The following DMRT1 variants were observed in gnomAD, a reference collection of about 807,000 sequenced individuals.
DMRT1 encodes the protein doublesex and mab-3 related transcription factor 1, also known as doublesex- and mab-3-related transcription factor 1.
Under a neutral mutation model 32.3 loss-of-function variants are expected in DMRT1, and 7 were observed. The observed-to-expected ratio is 0.22, with a 90% CI of 0.12 to 0.41. The LOEUF (loss-of-function observed/expected upper bound fraction) is 0.41. Ranked by LOEUF, DMRT1 falls within the 10% of genes least tolerant of loss-of-function variation. DMRT1 has a pLI of 1.00. For missense variants in DMRT1, 625 were observed against 500.5 expected (o/e 1.25, Z -2.37); for synonymous variants, 278 against 206.1 (o/e 1.35, Z -2.99).
intron 4 of DMRT1, among the ~76,000 whole-genome samples, chr9:932,395 A>G (rs1818754493): frequency 6.6e-6 from 1 of 152,230 alleles, no homozygotes; most frequent in Non-Finnish European, 1.5e-5. Flanking sequence ...TAATGAGCCA[A>G]TGCAATGGTA....
intron 4 of DMRT1, among the ~76,000 whole-genome samples, chr9:949,519 C>T (rs1819362071): frequency 6.6e-6 from 1 of 152,170 alleles, no homozygotes; most frequent in Non-Finnish European, 1.5e-5. Flanking sequence ...CACAAACCTA[C>T]CCATCACCTG....
chr9:953,997 G>C (rs1819514662), intron 4 of DMRT1, among the ~76,000 whole-genome samples: 1 of 152,166 alleles, frequency 6.6e-6, no homozygotes, highest in African/African-American at 2.4e-5. Context: ...CATTAGAGAA[G>C]GGGGATTAGA....
chr9:937,388 T>A (rs1198599120), intron 4 of DMRT1, among the ~76,000 whole-genome samples: 1 of 152,254 alleles, frequency 6.6e-6, no homozygotes, highest in Non-Finnish European at 1.5e-5. Context: ...CGTTAAATGG[T>A]AATTTTATGG....
At chr9:961,356 G>T (rs747281593) in intron 4 of DMRT1, among the ~76,000 whole-genome samples, 3 of 152,184 alleles carry the variant, frequency 2.0e-5, no homozygotes, top group Non-Finnish European at 2.9e-5. Flanking sequence ...CTTATTTGGA[G>T]ACATTGACAC....
chr9:899,562 A>C (rs1023173024), intron 3 of DMRT1, among the ~76,000 whole-genome samples: 2 of 152,218 alleles, frequency 1.3e-5, no homozygotes, highest in African/African-American at 4.8e-5. Context: ...GCCCAATCAT[A>C]GATTCCTGTC....
chr9:917,268 T>C (rs1818214191), intron 4 of DMRT1, among the ~76,000 whole-genome samples: 1 of 152,184 alleles, frequency 6.6e-6, no homozygotes, highest in African/African-American at 2.4e-5. Flanking sequence ...CATTGAAAAC[T>C]CCTTTCCCAA....
intron 4 of DMRT1, among the ~76,000 whole-genome samples, chr9:922,243 C>T (rs974994856): frequency 7.9e-5 from 12 of 151,890 alleles, no homozygotes; most frequent in African/African-American, 1.2e-4. Flanking sequence ...TACCAGACCA[C>T]GGTGGGTTGG....
chr9:884,425 G>A (rs1379480186), intron 2 of DMRT1, among the ~76,000 whole-genome samples: 1 of 151,766 alleles, frequency 6.6e-6, no homozygotes, highest in Non-Finnish European at 1.5e-5. Context: ...AACTGAATGT[G>A]CAGAAAGTAA....
chr9:911,825 C>G (rs913525233), intron 3 of DMRT1, among the ~76,000 whole-genome samples: 4 of 152,116 alleles, frequency 2.6e-5, no homozygotes, highest in African/African-American at 9.7e-5. Context: ...GTTTATATTG[C>G]TACACATGCA....
chr9:952,636 C>T (rs1819465275), intron 4 of DMRT1, among the ~76,000 whole-genome samples: 1 of 152,184 alleles, frequency 6.6e-6, no homozygotes, highest in South Asian at 2.1e-4. Context: ...TCTGACTGCT[C>T]TTTGCCCTGA....
intron 2 of DMRT1, among the ~76,000 whole-genome samples, chr9:892,069 C>T (rs1253884611): frequency 1.3e-5 from 2 of 152,170 alleles, no homozygotes; most frequent in East Asian, 3.9e-4. Context: ...GCTCCTTGCT[C>T]TCTTGCAGGC....
chr9:945,837 T>C (rs1819225255), intron 4 of DMRT1, among the ~76,000 whole-genome samples: 1 of 151,990 alleles, frequency 6.6e-6, no homozygotes, highest in African/African-American at 2.4e-5. Flanking sequence ...CCTCAAGAGC[T>C]AAACTCTTGA....
chr9:877,648 G>T (rs978982737), intron 2 of DMRT1, among the ~76,000 whole-genome samples: 1 of 152,120 alleles, frequency 6.6e-6, no homozygotes. Context: ...TGTATATATT[G>T]AATTTAAGAT....
chr9:901,071 G>A (rs1283000472), intron 3 of DMRT1, among the ~76,000 whole-genome samples: 1 of 151,878 alleles, frequency 6.6e-6, no homozygotes, highest in African/African-American at 2.4e-5. Context: ...CCAGAGTGCA[G>A]CAGCATGATC....
intron 2 of DMRT1, among the ~76,000 whole-genome samples, chr9:860,380 G>A (rs920606181): frequency 1.4e-5 from 2 of 146,054 alleles, no homozygotes; most frequent in Admixed American, 1.4e-4. Context: ...TTATCAAATG[G>A]CAATAAATGT....
At chr9:926,103 C>T (rs1234379759) in intron 4 of DMRT1, among the ~76,000 whole-genome samples, 1 of 152,224 alleles carries the variant, frequency 6.6e-6, no homozygotes, top group African/African-American at 2.4e-5. Flanking sequence ...GGTTGTGGTT[C>T]TGTAGCACAT....
chr9:899,576 T>A (rs928222981), intron 3 of DMRT1, among the ~76,000 whole-genome samples: 4 of 152,214 alleles, frequency 2.6e-5, no homozygotes, highest in African/African-American at 9.6e-5. Flanking sequence ...TCCTGTCCTG[T>A]TGTGAAACAG....
At chr9:914,905 C>T (rs189310579) in intron 3 of DMRT1, among the ~76,000 whole-genome samples, 2 of 152,196 alleles carry the variant, frequency 1.3e-5, no homozygotes, top group Non-Finnish European at 2.9e-5. Context: ...CCAAAGTACA[C>T]TTAAGCCAGT....
In DMRT1 at chr9:914,931, G is replaced by T. The variant is rs117484798; in HGVS notation, c.823-1832G>T. On this transcript the variant is annotated intron_variant, in intron 3 of 4. Transcript: ENST00000382276. ...TTAAGCCAGTGTTAGTTGGTGAATT[G>T]TCCAGAATGTAGATGTTCATAGAAA... Among the ~76,000 whole-genome samples the T allele has an allele frequency of 4.4e-3, 673 of 152,308 alleles. 4 individuals are homozygous for T. The highest frequency in any genetic ancestry group is 5.4e-3 in the Non-Finnish European group (365 of 68,022).
Sources: gnomAD v4.1 joint callset for allele counts (sites outside exome capture counted in the v4.1 genomes callset) on GRCh38, gnomAD v4.1.1 for gene constraint, MANE v1.5 for transcripts, NCBI Gene and HGNC (gene_info 2026-07-23, HGNC 2026-07-21) for gene names.